DHRSX: variants seen among roughly 807,000 people sequenced by gnomAD.
The protein encoded by DHRSX is dehydrogenase/reductase X-linked, also known as polyprenol dehydrogenase.
Under a neutral mutation model 34.0 loss-of-function variants are expected in DHRSX, and 31 were observed. The ratio of observed to expected loss-of-function variants is 0.91; its 90% CI spans 0.69 to 1.23. The LOEUF (loss-of-function observed/expected upper bound fraction) is 1.23. Ranked by LOEUF, DHRSX falls within the 50% of genes most tolerant of loss-of-function variation. DHRSX has a pLI of 0.00. For missense variants in DHRSX, 414 were observed against 428.1 expected, an observed-to-expected ratio of 0.97 and a Z score of 0.29; for synonymous variants, 201 against 183.8, an observed-to-expected ratio of 1.09 and a Z score of -0.76.
At position 2,351,773 on chromosome X, in the gene DHRSX, G is replaced by A. The variant is rs758672129; in HGVS notation, c.286+56972C>T. ...CTTACTCTGTCGCCCAGGCTGGAGT[G>A]CAGTGGCGCAATCCCAACTCACTGC... On this transcript the variant is annotated intron_variant, in intron 3 of 6. Coordinates refer to ENST00000334651, the MANE Select transcript of DHRSX (RefSeq NM_145177.3). Among the ~76,000 whole-genome samples the A allele has an allele frequency of 4.6e-5, 7 of 152,340 alleles. No homozygotes were observed. The South Asian group carries it at 1.4e-3, about 32-fold the overall frequency.
intron 1 of DHRSX, among the ~76,000 whole-genome samples, chrX:2,491,688 G>A (rs1193441627): frequency 6.6e-6 from 1 of 152,242 alleles, no homozygotes; most frequent in Non-Finnish European, 1.5e-5. Context: ...CGTCACAGGT[G>A]CATCCGTGAT....
At chrX:2,478,929 T>C (rs1569505406) in intron 1 of DHRSX, among the ~76,000 whole-genome samples, 1 of 151,864 alleles carries the variant, frequency 6.6e-6, no homozygotes, top group Non-Finnish European at 1.5e-5. Context: ...ATGTACGCAC[T>C]GAAGACGTTC....
chrX:2,490,298 G>A (rs775386146), intron 1 of DHRSX: 65 of 1,613,428 alleles, frequency 4.0e-5, no homozygotes, highest in Non-Finnish European at 5.3e-5. Context: ...CACGATGGAG[G>A]CTGGGTACAG....
intron 4 of DHRSX, 122 bp from the exon 5 acceptor site, chrX:2,267,069 GC>G: frequency 3.2e-6 from 3 of 950,064 alleles, no homozygotes; most frequent in Non-Finnish European, 5.0e-6. Flanking sequence ...AGAGCTGGCG[GC>G]CATGTCTTCC....
intron 3 of DHRSX, among the ~76,000 whole-genome samples, chrX:2,393,937 TGC>T (rs2043376311): frequency 1.3e-5 from 2 of 152,062 alleles, no homozygotes; most frequent in African/African-American, 2.4e-5. Context: ...GCCCGTCTCC[TGC>T]GCACACACAA....
At chrX:2,340,940 A>C in intron 3 of DHRSX, among the ~76,000 whole-genome samples, 1 of 152,248 alleles carries the variant, frequency 6.6e-6, no homozygotes, top group Non-Finnish European at 1.5e-5. Flanking sequence ...GAGCTGAGCA[A>C]CGAATATTGC....
rs766332317 is a variant in DHRSX, at chrX:2,291,568, A to G, written c.322T>C (p.Ser108Pro). The change falls in exon 4 of 7, where the codon TCC (serine) becomes CCC (proline). Residue 108 changes from serine to proline, a missense_variant. Transcript: ENST00000334651. ...FLYCDLASMT[S>P]IRQFVQKFKM... ...AACTTCTGCACAAACTGCCGGATGG[A>G]AGTCATGGAAGCCAAGTCACAGTAT... The G allele has an allele frequency of 9.9e-6, 16 of 1,613,948 alleles. No homozygotes were observed. Among genetic ancestry groups the G allele is most frequent in the Non-Finnish European group, 1.4e-5 (16 of 1,179,846 alleles).
chrX:2,230,599 A>G (rs1275742097), intron 6 of DHRSX, among the ~76,000 whole-genome samples: 1 of 152,208 alleles, frequency 6.6e-6, no homozygotes, highest in Non-Finnish European at 1.5e-5. Context: ...TTTACAAATC[A>G]GTTGCATTTA....
intron 3 of DHRSX, among the ~76,000 whole-genome samples, chrX:2,295,423 T>TA (rs1556455206): frequency 6.6e-6 from 1 of 151,632 alleles, no homozygotes. Flanking sequence ...CAGGGCTTGC[T>TA]GGGGGGTGGA....
At chrX:2,440,356 A>G (rs2044047338) in intron 1 of DHRSX, among the ~76,000 whole-genome samples, 1 of 151,678 alleles carries the variant, frequency 6.6e-6, no homozygotes, top group African/African-American at 2.4e-5. Context: ...GTGCACCAGC[A>G]TGGCCAGATA....
intron 5 of DHRSX, among the ~76,000 whole-genome samples, chrX:2,256,215 G>C (rs2041276403): frequency 6.6e-6 from 1 of 150,810 alleles, no homozygotes; most frequent in South Asian, 2.1e-4. Flanking sequence ...GGATGGTCTT[G>C]ATCTCCTGAC....
chrX:2,240,543 C>T (rs978013237), intron 6 of DHRSX, among the ~76,000 whole-genome samples: 10 of 143,614 alleles, frequency 7.0e-5, no homozygotes, highest in African/African-American at 3.0e-4. Context: ...CTTGATGAAA[C>T]AGACAATTAC....
chrX:2,383,089 C>CCACCAT (rs1014844433), intron 3 of DHRSX, among the ~76,000 whole-genome samples: 5 of 148,664 alleles, frequency 3.4e-5, no homozygotes, highest in African/African-American at 1.3e-4. Context: ...AGCAGCATCA[C>CCACCAT]CACCATCACC....
At chrX:2,467,942 G>A (rs1232053030) in intron 1 of DHRSX, among the ~76,000 whole-genome samples, 71 of 145,544 alleles carry the variant, frequency 4.9e-4, no homozygotes, top group African/African-American at 1.7e-3. Flanking sequence ...CAGCCTGGGC[G>A]ACACAGTAAA....
rs1775657675 is a variant in DHRSX, at chrX:2,499,125, GA to G, written c.109+1691del. 2.0e-5 allele frequency among the ~76,000 whole-genome samples: 3 copies of G among 152,202 alleles called. No individual in the cohort carries two copies. In the South Asian group the frequency reaches 6.2e-4, roughly 32 times the overall value. On this transcript the variant is annotated intron_variant, in intron 1 of 6. Transcript: ENST00000334651. Reference sequence around the variant, plus strand: ...CAAAGGGTGGCGCTGGGACCCCTGGGATTCCTTCAGTGGGTGCAGAGTGGAA... The same window carrying G: ...CAAAGGGTGGCGCTGGGACCCCTGGGTTCCTTCAGTGGGTGCAGAGTGGAA...
At position 2,362,902 on chromosome X, in the gene DHRSX, C is replaced by T. The variant is rs777340746; in HGVS notation, c.286+45843G>A. On this transcript the variant is annotated intron_variant, in intron 3 of 6. Coordinates refer to ENST00000334651, the MANE Select transcript of DHRSX (RefSeq NM_145177.3). Reference sequence around the variant, plus strand: ...TGATATCATGCCGCCATTTTATCACCGTTCTATGGTATCATGCCACCATTT... The same window carrying T: ...TGATATCATGCCGCCATTTTATCACTGTTCTATGGTATCATGCCACCATTT... 3.5e-4 allele frequency among the ~76,000 whole-genome samples: 41 copies of T among 117,440 alleles called. 2 individuals are homozygous for T. The South Asian group carries it at 9.6e-3, about 27-fold the overall frequency. 77.0% of individuals were successfully genotyped at this position (117,440 alleles called of 152,430 possible).
At chrX:2,222,212 AGACT>A (rs2015537315) in intron 6 of DHRSX, among the ~76,000 whole-genome samples, 2 of 152,244 alleles carry the variant, frequency 1.3e-5, no homozygotes, top group African/African-American at 2.4e-5. Flanking sequence ...CAACACAAAC[AGACT>A]AAGACATTTG....
rs182843917 is a variant in DHRSX at position 2,428,631 on chromosome X, A to G, written c.110-3327T>C. ...ACCAGGGCCTGTCAGGAGGTGAGGG[A>G]CTAGGGGAGGGAGAGCATTAGGACA... On this transcript the variant is annotated intron_variant, in intron 1 of 6. Coordinates refer to ENST00000334651, the MANE Select transcript of DHRSX (RefSeq NM_145177.3). 4.7e-3 allele frequency among the ~76,000 whole-genome samples: 717 copies of G among 152,280 alleles called. 7 individuals carry two copies. Among genetic ancestry groups the G allele is most frequent in the African/African-American group, 0.016 (678 of 41,550 alleles).
At chrX:2,443,915 A>G (rs1047375405) in intron 1 of DHRSX, among the ~76,000 whole-genome samples, 3 of 151,380 alleles carry the variant, frequency 2.0e-5, no homozygotes. Context: ...CTGAGGCAGG[A>G]GAATGGCGTG....
Sources: allele counts gnomAD v4.1 joint callset (sites outside exome capture counted in the v4.1 genomes callset), GRCh38; gene constraint gnomAD v4.1.1; transcripts MANE v1.5; gene names NCBI Gene and HGNC (gene_info 2026-07-23, HGNC 2026-07-21).